The following ILDR2 variants were observed in gnomAD, a reference collection of about 807,000 sequenced individuals.
ILDR2 encodes immunoglobulin like domain containing receptor 2.
Under a neutral mutation model 66.8 loss-of-function variants are expected in ILDR2, and 25 were observed. That is an observed-to-expected ratio of 0.37 (90% CI 0.27 to 0.52). The LOEUF (loss-of-function observed/expected upper bound fraction) is 0.52. Among genes scored for constraint, ILDR2 ranks in the 20% least tolerant of loss-of-function variants. The pLI is 0.88. For synonymous variants in ILDR2, 367 were observed against 357.2 expected (o/e 1.03, Z -0.31); for missense variants, 827 against 876.8 (o/e 0.94, Z 0.72).
chr1:166,944,146 T>C (rs1431143710), intron 3 of ILDR2, among the ~76,000 whole-genome samples: 2 of 152,226 alleles, frequency 1.3e-5, no homozygotes, highest in African/African-American at 4.8e-5. Flanking sequence ...AAATATGCAT[T>C]GTGAATAAAA....
At chr1:166,969,132 A>C (rs1663131219) in intron 1 of ILDR2, among the ~76,000 whole-genome samples, 1 of 152,114 alleles carries the variant, frequency 6.6e-6, no homozygotes, top group South Asian at 2.1e-4. Context: ...ACAACAACAA[A>C]AAAAGACAAA....
chr1:166,900,803 A>G (rs1659251796), intron 2 of ILDR2, among the ~76,000 whole-genome samples: 1 of 152,206 alleles, frequency 6.6e-6, no homozygotes, highest in Non-Finnish European at 1.5e-5. Context: ...AAAATAGATG[A>G]AAGTGTAGAG....
chr1:166,900,618 G>C (rs1290624831), intron 2 of ILDR2, among the ~76,000 whole-genome samples: 1 of 152,224 alleles, frequency 6.6e-6, no homozygotes, highest in Non-Finnish European at 1.5e-5. Context: ...TACATAACTT[G>C]TTTAATTCAC....
chr1:166,973,607 A>AC lies in ILDR2; in HGVS notation c.46+1615dup, dbSNP rs1408932791. ...TGTAAAGAGCACCTCTGACTCAGGG[A>AC]CCCCTCCCCCCCCCCCCCGATGCCT... On this transcript the variant is annotated intron_variant, in intron 1 of 9. Transcript: ENST00000271417. Among the ~76,000 whole-genome samples, 335 of 45,662 alleles carry AC rather than the reference A, an allele frequency of 7.3e-3. 2 individuals carry two copies. The highest frequency in any genetic ancestry group is 9.7e-3 in the Non-Finnish European group (234 of 24,158). 30.0% of individuals were successfully genotyped at this position (45,662 alleles called of 152,430 possible).
intron 2 of ILDR2, among the ~76,000 whole-genome samples, chr1:166,896,635 CTTT>C (rs71753303): frequency 6.1e-5 from 8 of 131,518 alleles, no homozygotes; most frequent in Admixed American, 7.7e-5. Context: ...ACTTCATCTA[CTTT>C]TTTTTTTTTT....
chr1:166,942,614 G>T (rs945725760), intron 3 of ILDR2, among the ~76,000 whole-genome samples: 1 of 152,140 alleles, frequency 6.6e-6, no homozygotes, highest in African/African-American at 2.4e-5. Flanking sequence ...CCTCTGAAGG[G>T]TATACACACA....
chr1:166,963,605 A>G (rs1411084094), intron 1 of ILDR2, among the ~76,000 whole-genome samples: 1 of 152,120 alleles, frequency 6.6e-6, no homozygotes, highest in African/African-American at 2.4e-5. Flanking sequence ...TAAAACACAC[A>G]TCAATCATGT....
chr1:166,911,647 A>G lies in ILDR2; in HGVS notation c.*7708T>C, dbSNP rs2101825993. The stretch of plus-strand genomic sequence containing the variant: ...TATCTTTAAGATATTCAGATAAATA[A>G]GAGGGCATTGTAAAAAAAAAAAAAG... On this transcript the variant is annotated 3_prime_UTR_variant, in exon 10 of 10. Transcript: ENST00000271417. The G allele has an allele frequency of 7.2e-6, 1 of 139,656 alleles. No individual in the cohort carries two copies. The highest frequency in any genetic ancestry group is 2.4e-4 in the South Asian group (1 of 4,104). 8.7% of individuals were successfully genotyped at this position (139,656 alleles called of 1,614,324 possible).
rs762216865 is a variant in ILDR2, at chr1:166,922,799, G to T, written c.1005C>A (p.Thr335=). ...ARRMRGRYNN[T]ISELSSLHEE... is the part of the protein sequence containing the mutation. ...CATGTAGGGAGCTGAGTTCTGAGAT[G>T]GTGTTGTTATCTGCAGGGACAAAAT... The change falls in exon 8 of 10, where the codon ACC becomes ACA. Residue 335 remains threonine, a synonymous_variant. Coordinates refer to ENST00000271417, the MANE Select transcript of ILDR2 (RefSeq NM_199351.3). 1 of 1,613,982 alleles carries T rather than the reference G, an allele frequency of 6.2e-7. No individual in the cohort carries two copies. Among genetic ancestry groups the T allele is most frequent in the Admixed American group, 1.7e-5 (1 of 60,024 alleles).
At chr1:166,922,944 C>T in intron 7 of ILDR2, 135 bp from the exon 8 acceptor site, 1 of 707,714 alleles carries the variant, frequency 1.4e-6, no homozygotes, top group Admixed American at 2.2e-5. Context: ...GGGTTGTAAG[C>T]CTGAACTAGT....
At chr1:166,968,149 C>T (rs1663071064) in intron 1 of ILDR2, among the ~76,000 whole-genome samples, 1 of 152,200 alleles carries the variant, frequency 6.6e-6, no homozygotes, top group Non-Finnish European at 1.5e-5. Flanking sequence ...AGCACAAAAG[C>T]TCCTTTCAGA....
rs909304229 is a variant in ILDR2, at chr1:166,909,221, G to A, written c.*10134C>T. ...AAGCCTTTTGCCTGCTTGGTCAAAT[G>A]AGCTGGAAAGTTGTGACTCTCAGAC... On this transcript the variant is annotated 3_prime_UTR_variant, in exon 10 of 10. Transcript: ENST00000271417. The A allele has an allele frequency of 6.6e-6, 1 of 152,154 alleles. No homozygotes were observed. The highest frequency in any genetic ancestry group is 2.4e-5 in the African/African-American group (1 of 41,434). 9.4% of individuals were successfully genotyped at this position (152,154 alleles called of 1,614,324 possible).
At chr1:166,952,985 C>T (rs1662071847) in intron 3 of ILDR2, among the ~76,000 whole-genome samples, 1 of 152,172 alleles carries the variant, frequency 6.6e-6, no homozygotes. Flanking sequence ...TTATAAACTA[C>T]AACTTATTTT....
intron 3 of ILDR2, among the ~76,000 whole-genome samples, chr1:166,942,795 G>T (rs1661383606): frequency 6.6e-6 from 1 of 152,230 alleles, no homozygotes; most frequent in Non-Finnish European, 1.5e-5. Context: ...GCACGAAATT[G>T]CTAGCCCTTC....
At chr1:166,919,933 T>G (rs1571097451) in intron 9 of ILDR2, among the ~76,000 whole-genome samples, 2 of 152,106 alleles carry the variant, frequency 1.3e-5, no homozygotes, top group South Asian at 2.1e-4. Flanking sequence ...TGGAGAGTGA[T>G]CTCCAAAGCA....
At chr1:166,897,623 T>C (rs1271887595) in intron 2 of ILDR2, among the ~76,000 whole-genome samples, 6 of 152,220 alleles carry the variant, frequency 3.9e-5, no homozygotes, top group African/African-American at 1.4e-4. Context: ...AATAGTTCAA[T>C]CAATCATGCC....
chr1:166,922,480 CTGGAA>C (rs1054667051), intron 8 of ILDR2, 108 bp downstream of exon 8: 115 of 784,628 alleles, frequency 1.5e-4, no homozygotes, highest in African/African-American at 1.1e-3. Context: ...TCAGGATAAC[CTGGAA>C]TGGGAGACAG....
At chr1:166,926,160 A>G (rs1332946390) in intron 7 of ILDR2, among the ~76,000 whole-genome samples, 1 of 152,190 alleles carries the variant, frequency 6.6e-6, no homozygotes, top group Non-Finnish European at 1.5e-5. Context: ...TGTTTCCCCA[A>G]CAATTCCGTC....
intron 3 of ILDR2, among the ~76,000 whole-genome samples, chr1:166,947,793 G>T (rs1661722859): frequency 6.6e-6 from 1 of 152,130 alleles, no homozygotes; most frequent in Non-Finnish European, 1.5e-5. Context: ...CGCGCTAATT[G>T]AAGGCCGAGT....
Sources: allele counts gnomAD v4.1 joint callset (sites outside exome capture counted in the v4.1 genomes callset), GRCh38; gene constraint gnomAD v4.1.1; transcripts MANE v1.5; gene names NCBI Gene and HGNC (gene_info 2026-07-23, HGNC 2026-07-21).